The following KDR variants were observed in gnomAD, a reference collection of about 807,000 sequenced individuals.
KDR encodes the protein vascular endothelial growth factor receptor 2.
Under a neutral mutation model 160.9 loss-of-function variants are expected in KDR, and 43 were observed. The observed-to-expected ratio is 0.27, with a 90% CI of 0.21 to 0.34. The LOEUF is 0.34. Ranked by LOEUF, KDR falls within the 10% of genes least tolerant of loss-of-function variation. The pLI is 1.00. For missense variants in KDR, 1,469 were observed against 1,666.4 expected, an observed-to-expected ratio of 0.88 and a Z score of 2.06; for synonymous variants, 617 against 600.1, an observed-to-expected ratio of 1.03 and a Z score of -0.41.
chr4:55,114,255 A>G lies in KDR; in HGVS notation c.669T>C (p.Ile223=). ...MYIVVVVGYR[I]YDVVLSPSHG... ...GAGACGGACTCAGAACCACATCATA[A>G]ATCCTATACCCTAGAGCAAGTAAAT... The change falls in exon 6 of 30, where the codon ATT becomes ATC. Residue 223 remains isoleucine, a synonymous_variant. Coordinates refer to ENST00000263923, the MANE Select transcript of KDR (RefSeq NM_002253.4). 6.2e-7 allele frequency: 1 copy of G among 1,613,872 alleles called. No individual in the cohort carries two copies. The highest frequency in any genetic ancestry group is 1.1e-5 in the South Asian group (1 of 91,068).
At chr4:55,094,261 T>C (rs1720092006) in intron 21 of KDR, among the ~76,000 whole-genome samples, 1 of 151,962 alleles carries the variant, frequency 6.6e-6, no homozygotes, top group Admixed American at 6.6e-5. Context: ...ACTGGAAACA[T>C]AACTTAATAA....
Position 55,113,461 on chromosome 4 carries a change from T to C in KDR, c.819A>G (p.Val273=). 1.2e-6 allele frequency: 2 copies of C among 1,614,030 alleles called. No homozygotes were observed. Among genetic ancestry groups the C allele is most frequent in the Non-Finnish European group, 1.7e-6 (2 of 1,179,918 alleles). Residue 273 remains valine (V), a synonymous_variant, in exon 7 of 30, where the codon GTA becomes GTG. Coordinates refer to ENST00000263923, the MANE Select transcript of KDR (RefSeq NM_002253.4). ...CAGACTGGGTTTTTAGGTCTCGGTT[T>C]ACAAGTTTCTTATGCTGATGCTGAA... ...PSSKHQHKKL[V]NRDLKTQSGS...
chr4:55,107,016 A>T (rs1186691151), intron 10 of KDR, among the ~76,000 whole-genome samples: 1 of 152,186 alleles, frequency 6.6e-6, no homozygotes, highest in Non-Finnish European at 1.5e-5. Context: ...AGGATACAGG[A>T]GGGAAGCAGC....
rs193054214 is a variant in KDR, at chr4:55,093,908, A to G, written c.2971+894T>C. ...AGCTCCACCCAAAAAGAGCACTAAA[A>G]TATCACTCAGGCCAGGCACGGAGGC... On this transcript the variant is annotated intron_variant, in intron 21 of 29. Transcript: ENST00000263923. Among the ~76,000 whole-genome samples the G allele has an allele frequency of 2.7e-3, 412 of 152,230 alleles. 1 individual carries two copies. The highest frequency in any genetic ancestry group is 9.4e-3 in the African/African-American group (391 of 41,548).
At chr4:55,118,883 GA>G in intron 2 of KDR, 83 bp from the exon 3 acceptor site, 1 of 1,178,314 alleles carries the variant, frequency 8.5e-7, no homozygotes, top group South Asian at 1.3e-5. Context: ...ATTTGGTTTT[GA>G]AACTTAAATA....
intron 3 of KDR, among the ~76,000 whole-genome samples, chr4:55,116,872 A>G (rs1720749120): frequency 6.6e-6 from 1 of 152,208 alleles, no homozygotes; most frequent in Non-Finnish European, 1.5e-5. Flanking sequence ...CTATCCATAG[A>G]GAATACTTCA....
At chr4:55,092,812 T>A (rs1720052394) in intron 21 of KDR, 98 bp from the exon 22 acceptor site, 1 of 850,450 alleles carries the variant, frequency 1.2e-6, no homozygotes, top group East Asian at 2.6e-5. Context: ...GACTTGGGAG[T>A]TAAGTTTTTA....
chr4:55,096,157 A>G lies in KDR; in HGVS notation c.2728+72T>C. The G allele has an allele frequency of 4.8e-6, 4 of 827,538 alleles. No homozygotes were observed. In the Admixed American group the frequency reaches 6.9e-5, roughly 14 times the overall value. 51.3% of individuals were successfully genotyped at this position (827,538 alleles called of 1,614,324 possible). A position where few individuals can be genotyped will look rare whatever the true frequency, so the allele number is the denominator to read the frequency against. ...AAGAAAATCAAGGCCAGAGGAGTTG[A>G]CTGCTTTCCCTCAAACACTATCAGA... On this transcript the variant is annotated intron_variant, in intron 19 of 29. Transcript: ENST00000263923.
At chr4:55,097,573 T>G in intron 18 of KDR, 89 bp downstream of exon 18, 1 of 882,978 alleles carries the variant, frequency 1.1e-6, no homozygotes, top group Non-Finnish European at 1.9e-6. Flanking sequence ...TAGGCCCACA[T>G]AAGCACAAAG....
intron 7 of KDR, 55 bp downstream of exon 7, chr4:55,113,249 A>T: frequency 6.4e-7 from 1 of 1,564,878 alleles, no homozygotes; most frequent in Non-Finnish European, 8.8e-7. Flanking sequence ...ACCTAAATTT[A>T]TTTAAATTAT....
At position 55,112,376 on chromosome 4, in the gene KDR, T is replaced by C. The variant is rs187104240; in HGVS notation, c.976+928A>G. Among the ~76,000 whole-genome samples, 86 of 152,290 alleles carry C rather than the reference T, an allele frequency of 5.6e-4. 1 individual carries two copies. Among genetic ancestry groups the C allele is most frequent in the Admixed American group, 2.0e-3 (31 of 15,296 alleles). ...TTACAATTTTCTTAATAACATTTTC[T>C]TTTCTCTAGCTTTATTGGAAGAATA... is the stretch of plus-strand genomic sequence containing the variant. On this transcript the variant is annotated intron_variant, in intron 7 of 29. Transcript: ENST00000263923.
chr4:55,090,811 G>A (rs1719993359), intron 22 of KDR, among the ~76,000 whole-genome samples: 1 of 150,984 alleles, frequency 6.6e-6, no homozygotes, highest in Non-Finnish European at 1.5e-5. Flanking sequence ...AATGAGTCTT[G>A]GGGAGCACAA....
chr4:55,081,805 G>C (rs1719740421), intron 29 of KDR, 151 bp downstream of exon 29: 1 of 622,874 alleles, frequency 1.6e-6, no homozygotes, highest in South Asian at 2.0e-5. Context: ...TTATTGTGTG[G>C]TTAGTTTCCA....
rs772615312 is a variant in KDR, at chr4:55,110,416, A to G, written c.1242T>C (p.Ser414=). 6.2e-7 allele frequency: 1 copy of G among 1,614,044 alleles called. No homozygotes were observed. The highest frequency in any genetic ancestry group is 8.5e-7 in the Non-Finnish European group (1 of 1,179,954). ...ISKEKQSHVV[S]LVVYVPPQIG... ...GAATGGACTCACCATACACAACCAG[A>G]GAGACCACATGGCTCTGCTTCTCCT... is the stretch of plus-strand genomic sequence containing the variant. The change falls in exon 9 of 30, where the codon TCT becomes TCC. Residue 414 remains serine, a synonymous_variant. Transcript: ENST00000263923.
chr4:55,099,865 T>C (rs1483683927), intron 15 of KDR, among the ~76,000 whole-genome samples: 1 of 151,768 alleles, frequency 6.6e-6, no homozygotes, highest in Non-Finnish European at 1.5e-5. Context: ...GGAGTCTGAG[T>C]GAGGAGAAGA....
rs144155016 is a variant in KDR, at chr4:55,091,329, T to C, written c.3070-1251A>G. On this transcript the variant is annotated intron_variant, in intron 22 of 29. Coordinates refer to ENST00000263923, the MANE Select transcript of KDR (RefSeq NM_002253.4). ...AAAAAACAGACAGTGTTTTTGACTT[T>C]TCCCCCCAAACAAAAAGTTTCCTTT... 3.0e-3 allele frequency among the ~76,000 whole-genome samples: 464 copies of C among 152,308 alleles called. 2 individuals are homozygous for C. The highest frequency in any genetic ancestry group is 0.011 in the African/African-American group (443 of 41,556).
At chr4:55,110,958 T>G (rs73816223) in intron 7 of KDR, among the ~76,000 whole-genome samples, 190 bp from the exon 8 acceptor site, 2,330 of 152,284 alleles carry the variant, frequency 0.015, 67 homozygotes, top group African/African-American at 0.053. Flanking sequence ...CCACACCTCC[T>G]GTGTTTGCAT....
intron 15 of KDR, among the ~76,000 whole-genome samples, chr4:55,099,261 C>A (rs1451873824): frequency 6.6e-6 from 1 of 152,128 alleles, no homozygotes; most frequent in Non-Finnish European, 1.5e-5. Flanking sequence ...TCTAGCCATC[C>A]CCCCTGCCTT....
intron 5 of KDR, 116 bp downstream of exon 5, chr4:55,114,758 C>T: frequency 4.4e-6 from 4 of 913,130 alleles, no homozygotes; most frequent in South Asian, 4.3e-5. Flanking sequence ...AATTGCCCAA[C>T]ACCATATCCT....
Sources: gnomAD v4.1 joint callset for allele counts (sites outside exome capture counted in the v4.1 genomes callset) on GRCh38, gnomAD v4.1.1 for gene constraint, MANE v1.5 for transcripts, NCBI Gene and HGNC (gene_info 2026-07-23, HGNC 2026-07-21) for gene names.